Variants in CTNNA3 observed in about 807,000 individuals in gnomAD.
The protein encoded by CTNNA3 is catenin alpha 3.
CTNNA3 carries 76 observed loss-of-function variants against 95.7 expected under a neutral mutation model. The ratio of observed to expected loss-of-function variants is 0.79; its 90% confidence interval spans 0.66 to 0.96. The LOEUF is 0.96. CTNNA3 is among the 40% of genes least tolerant of loss of function. The pLI is 0.00. For synonymous variants in CTNNA3, 431 were observed against 374.4 expected (o/e 1.15, Z -1.74); for missense variants, 1,191 against 1,089.8 (o/e 1.09, Z -1.31).
chr10:67,478,845 TA>T (rs143794060), intron 5 of CTNNA3, among the ~76,000 whole-genome samples: 116 of 139,444 alleles, frequency 8.3e-4, no homozygotes, highest in East Asian at 1.0e-3. Context: ...CAAGTTGAAT[TA>T]AAAAAAAAAA....
intron 5 of CTNNA3, among the ~76,000 whole-genome samples, chr10:67,329,409 G>A (rs562178208): frequency 6.6e-6 from 1 of 152,254 alleles, no homozygotes; most frequent in South Asian, 2.1e-4. Context: ...GTAATAAATA[G>A]TAACATACTT....
intron 6 of CTNNA3, among the ~76,000 whole-genome samples, chr10:67,214,642 T>C (rs1049347461): frequency 5.3e-5 from 8 of 151,992 alleles, no homozygotes; most frequent in Admixed American, 2.6e-4. Context: ...TGAAAAGTTG[T>C]TGACAATAAA....
chr10:67,638,889 G>C (rs1839420643), intron 2 of CTNNA3, among the ~76,000 whole-genome samples: 1 of 152,122 alleles, frequency 6.6e-6, no homozygotes, highest in African/African-American at 2.4e-5. Flanking sequence ...AGCACTAAAT[G>C]CCCACAAGAG....
At chr10:67,725,976 A>G (rs986086678) in intron 1 of CTNNA3, among the ~76,000 whole-genome samples, 27 of 138,132 alleles carry the variant, frequency 2.0e-4, no homozygotes, top group African/African-American at 6.9e-4. Flanking sequence ...TATGTAATAT[A>G]TACTATATAC....
chr10:66,996,901 G>A (rs1851385705), intron 7 of CTNNA3, among the ~76,000 whole-genome samples: 2 of 152,082 alleles, frequency 1.3e-5, no homozygotes, highest in African/African-American at 2.4e-5. Flanking sequence ...CCTGTTGACA[G>A]TCTGTAATTC....
chr10:66,874,306 T>C (rs563143150), intron 7 of CTNNA3, among the ~76,000 whole-genome samples: 2 of 152,282 alleles, frequency 1.3e-5, no homozygotes, highest in East Asian at 3.9e-4. Flanking sequence ...CCATTAGGTG[T>C]ATTCACAGGG....
intron 5 of CTNNA3, among the ~76,000 whole-genome samples, chr10:67,341,936 C>G (rs1054416106): frequency 2.6e-5 from 4 of 151,988 alleles, no homozygotes; most frequent in Admixed American, 2.6e-4. Context: ...TTGCATTTTT[C>G]TGATGAGCAA....
intron 17 of CTNNA3, among the ~76,000 whole-genome samples, chr10:65,948,000 A>G (rs1786932): frequency 0.31 from 47,472 of 152,174 alleles, 7,763 homozygotes; most frequent in East Asian, 0.43. Flanking sequence ...GTGCGCGGCC[A>G]GGCGCGGTGG....
At chr10:67,407,688 T>C (rs1428745947) in intron 5 of CTNNA3, among the ~76,000 whole-genome samples, 1 of 152,184 alleles carries the variant, frequency 6.6e-6, no homozygotes, top group East Asian at 1.9e-4. Flanking sequence ...CCCCAAAAGC[T>C]TCTTAAGGTG....
intron 7 of CTNNA3, among the ~76,000 whole-genome samples, chr10:66,956,258 G>T (rs1848787049): frequency 6.6e-6 from 1 of 151,250 alleles, no homozygotes; most frequent in Non-Finnish European, 1.5e-5. Context: ...GTTTCAATAA[G>T]CCAGACCCAG....
intron 11 of CTNNA3, among the ~76,000 whole-genome samples, chr10:66,462,298 T>C (rs2093534866): frequency 6.6e-6 from 1 of 152,110 alleles, no homozygotes; most frequent in African/African-American, 2.4e-5. Context: ...GGATTCAATA[T>C]CATGTTACAC....
At chr10:66,105,511 G>A (rs560244588) in intron 13 of CTNNA3, among the ~76,000 whole-genome samples, 1 of 152,224 alleles carries the variant, frequency 6.6e-6, no homozygotes, top group South Asian at 2.1e-4. Flanking sequence ...ATCATGCAAT[G>A]ACAAATAACT....
intron 17 of CTNNA3, 114 bp from the exon 18 acceptor site, chr10:65,920,731 A>C (rs1350517625): frequency 4.4e-6 from 5 of 1,146,632 alleles, no homozygotes; most frequent in African/African-American, 1.5e-5. Flanking sequence ...GAGGCTGAGG[A>C]GGGAGGATCA....
At chr10:67,289,427 C>T (rs1361936705) in intron 5 of CTNNA3, among the ~76,000 whole-genome samples, 2 of 152,114 alleles carry the variant, frequency 1.3e-5, no homozygotes, top group African/African-American at 2.4e-5. Context: ...TGCTCTTGTA[C>T]AGATGAGGAA....
At chr10:67,719,417 G>T (rs915363778) in intron 1 of CTNNA3, among the ~76,000 whole-genome samples, 2 of 151,956 alleles carry the variant, frequency 1.3e-5, no homozygotes, top group South Asian at 4.1e-4. Flanking sequence ...GGTCTTTCCT[G>T]CTTTCTTTTG....
At chr10:67,074,126 G>A (rs976544332) in intron 7 of CTNNA3, among the ~76,000 whole-genome samples, 6 of 133,312 alleles carry the variant, frequency 4.5e-5, no homozygotes, top group East Asian at 2.4e-4. Flanking sequence ...ACCTCCTCCC[G>A]AGTTGAAGAG....
intron 7 of CTNNA3, among the ~76,000 whole-genome samples, chr10:66,829,299 C>T (rs530780084): frequency 6.6e-5 from 10 of 152,146 alleles, no homozygotes; most frequent in African/African-American, 1.9e-4. Flanking sequence ...TTGTAATATG[C>T]GAATACATTA....
At chr10:66,116,137 T>C (rs1171238395) in intron 13 of CTNNA3, among the ~76,000 whole-genome samples, 1 of 152,204 alleles carries the variant, frequency 6.6e-6, no homozygotes, top group Non-Finnish European at 1.5e-5. Context: ...AAAGGCCTAT[T>C]TGTAGAGGCA....
intron 10 of CTNNA3, among the ~76,000 whole-genome samples, chr10:66,594,777 C>A (rs972891475): frequency 4.6e-5 from 7 of 152,106 alleles, no homozygotes; most frequent in African/African-American, 1.7e-4. Flanking sequence ...AAAGCCAGAT[C>A]ATCTAAGTAT....
Sources: allele counts gnomAD v4.1 joint callset (sites outside exome capture counted in the v4.1 genomes callset), GRCh38; gene constraint gnomAD v4.1.1; transcripts MANE v1.5; gene names NCBI Gene and HGNC (gene_info 2026-07-23, HGNC 2026-07-21).